HS2ST1: variants seen among roughly 807,000 people sequenced by gnomAD.
HS2ST1 encodes the protein heparan sulfate 2-O-sulfotransferase 1.
HS2ST1 carries 18 observed loss-of-function variants against 42.9 expected under a neutral mutation model. That is an observed-to-expected ratio of 0.42 (90% CI 0.29 to 0.62). The LOEUF (loss-of-function observed/expected upper bound fraction) is 0.62, where lower values mean the gene tolerates loss of function less well. Among genes scored for constraint, HS2ST1 ranks in the 20% least tolerant of loss-of-function variants. The pLI, the probability that HS2ST1 is intolerant of heterozygous loss-of-function variation, is 0.21. For missense variants in HS2ST1, 334 were observed against 433.8 expected, an observed-to-expected ratio of 0.77 and a Z score of 2.04; for synonymous variants, 146 against 152.9, an observed-to-expected ratio of 0.95 and a Z score of 0.33.
chr1:86,990,144 C>G (rs540470710), intron 1 of HS2ST1, among the ~76,000 whole-genome samples: 1 of 152,184 alleles, frequency 6.6e-6, no homozygotes, highest in Non-Finnish European at 1.5e-5. Flanking sequence ...AATTGCCACA[C>G]TGTCTTCCAC....
At chr1:87,018,660 C>T (rs1228711076) in intron 1 of HS2ST1, among the ~76,000 whole-genome samples, 5 of 152,202 alleles carry the variant, frequency 3.3e-5, no homozygotes, top group African/African-American at 1.2e-4. Flanking sequence ...ACAGCATCTT[C>T]TGTGCCATCC....
intron 1 of HS2ST1, among the ~76,000 whole-genome samples, chr1:87,062,828 T>C: frequency 6.6e-6 from 1 of 152,316 alleles, no homozygotes; most frequent in East Asian, 1.9e-4. Context: ...ATTTCAGCAC[T>C]TGAAAAACAT....
chr1:87,087,151 G>A (rs1483133715), intron 3 of HS2ST1, among the ~76,000 whole-genome samples: 9 of 151,740 alleles, frequency 5.9e-5, no homozygotes, highest in Admixed American at 3.9e-4. Context: ...TTTTTTAATA[G>A]CATCTATTAG....
Position 86,943,899 on chromosome 1 carries a change from G to A in HS2ST1, c.124+28739G>A, listed in dbSNP as rs546722229. ...AAATTAGCTGGGCATGGTGGCGGGT[G>A]CCTGTAATCTCAGCTACTTGGGAGG... On this transcript the variant is annotated intron_variant, in intron 1 of 6. Transcript: ENST00000370550. Among the ~76,000 whole-genome samples, 4 of 152,048 alleles carry A rather than the reference G, an allele frequency of 2.6e-5. No homozygotes were observed. The South Asian group carries it at 6.2e-4, about 24-fold the overall frequency.
chr1:87,103,729 C>A, intron 6 of HS2ST1, 140 bp downstream of exon 6: 1 of 661,886 alleles, frequency 1.5e-6, no homozygotes, highest in Non-Finnish European at 2.5e-6. Context: ...TCGGTTTCTG[C>A]TCACTATTTT....
At position 87,071,867 on chromosome 1, in the gene HS2ST1, C is replaced by T. The variant is rs1387328113; in HGVS notation, c.125-1067C>T. Among the ~76,000 whole-genome samples, 7 of 152,042 alleles carry T rather than the reference C, an allele frequency of 4.6e-5. No individual in the cohort carries two copies. In the East Asian group the frequency reaches 1.2e-3, roughly 25 times the overall value. On this transcript the variant is annotated intron_variant, in intron 1 of 6. Coordinates refer to ENST00000370550, the MANE Select transcript of HS2ST1 (RefSeq NM_012262.4). Reference sequence around the variant, plus strand: ...ATAGGTGAGATAGCTTGCACAAAGACTTGGGGGTTAAGAGAGTACGTGCTA... The same window carrying T: ...ATAGGTGAGATAGCTTGCACAAAGATTTGGGGGTTAAGAGAGTACGTGCTA...
intron 1 of HS2ST1, among the ~76,000 whole-genome samples, chr1:87,002,077 T>C (rs1053354060): frequency 8.5e-5 from 13 of 152,052 alleles, no homozygotes; most frequent in Non-Finnish European, 1.9e-4. Flanking sequence ...CAAGCCTGGC[T>C]AATGTTTTGT....
At chr1:87,095,622 A>G (rs1652042415) in intron 4 of HS2ST1, among the ~76,000 whole-genome samples, 2 of 152,176 alleles carry the variant, frequency 1.3e-5, no homozygotes, top group South Asian at 4.1e-4. Context: ...TAATCCAAAG[A>G]TGAGCATTGA....
At chr1:86,995,339 G>A (rs1649068625) in intron 1 of HS2ST1, among the ~76,000 whole-genome samples, 1 of 152,132 alleles carries the variant, frequency 6.6e-6, no homozygotes, top group African/African-American at 2.4e-5. Context: ...GTGTTTAAGA[G>A]CTCTGATGAA....
rs939596965 is a variant in HS2ST1, at chr1:87,108,296, C to T, written c.*3600C>T. 3 of 152,058 alleles carry T rather than the reference C, an allele frequency of 2.0e-5. No individual in the cohort carries two copies. The highest frequency in any genetic ancestry group is 7.2e-5 in the African/African-American group (3 of 41,428). The allele number at this position is 152,058 out of a possible 1,614,324, so 9.4% of individuals were successfully genotyped here. ...GAGAACATCTGTGTAAATCATCTAA[C>T]TGGATTTTTCCATTGGTCATTCCCA... On this transcript the variant is annotated 3_prime_UTR_variant, in exon 7 of 7. Transcript: ENST00000370550.
intron 1 of HS2ST1, among the ~76,000 whole-genome samples, chr1:87,007,404 A>G (rs904135496): frequency 1.2e-4 from 19 of 152,004 alleles, no homozygotes; most frequent in African/African-American, 4.6e-4. Context: ...TCCTGCCACC[A>G]TTTCTACAAT....
chr1:87,092,445 A>G (rs1570542891), intron 3 of HS2ST1, 86 bp from the exon 4 acceptor site: 2 of 792,116 alleles, frequency 2.5e-6, no homozygotes, highest in East Asian at 6.2e-5. Flanking sequence ...TAGGACCAGT[A>G]CTTCAGACTT....
intron 2 of HS2ST1, among the ~76,000 whole-genome samples, chr1:87,080,154 A>G (rs1021518450): frequency 2.6e-5 from 4 of 152,184 alleles, no homozygotes; most frequent in Non-Finnish European, 5.9e-5. Context: ...AAAATCCTAC[A>G]TAGATATTTA....
chr1:86,924,564 G>T (rs1660374277), intron 1 of HS2ST1, among the ~76,000 whole-genome samples: 1 of 152,168 alleles, frequency 6.6e-6, no homozygotes, highest in South Asian at 2.1e-4. Flanking sequence ...CTAGGCTGAG[G>T]TTCTCAAACC....
intron 3 of HS2ST1, among the ~76,000 whole-genome samples, chr1:87,092,249 A>G (rs962382438): frequency 1.3e-5 from 2 of 152,072 alleles, no homozygotes; most frequent in African/African-American, 2.4e-5. Context: ...AATGTTTTAT[A>G]TAATTCTTGC....
intron 1 of HS2ST1, among the ~76,000 whole-genome samples, chr1:87,070,403 C>T (rs1249536328): frequency 2.0e-5 from 3 of 151,992 alleles, no homozygotes; most frequent in Non-Finnish European, 4.4e-5. Flanking sequence ...CCAGCCTGGG[C>T]AACATGGTGA....
chr1:86,992,322 T>C (rs1370490779), intron 1 of HS2ST1, among the ~76,000 whole-genome samples: 5 of 152,154 alleles, frequency 3.3e-5, no homozygotes, highest in African/African-American at 1.2e-4. Flanking sequence ...CGCTGAAAAT[T>C]TGGGTTACTT....
intron 2 of HS2ST1, among the ~76,000 whole-genome samples, chr1:87,077,299 T>A (rs1383275585): frequency 1.3e-5 from 2 of 152,216 alleles, no homozygotes; most frequent in Non-Finnish European, 1.5e-5. Context: ...AGGCCCTTTT[T>A]AATCTAGCCC....
chr1:86,937,639 A>G (rs139271769), intron 1 of HS2ST1, among the ~76,000 whole-genome samples: 14 of 152,154 alleles, frequency 9.2e-5, no homozygotes, highest in South Asian at 2.1e-4. Flanking sequence ...TTGGGAGAAA[A>G]GGTTTAATTT....
Sources: allele counts gnomAD v4.1 joint callset (sites outside exome capture counted in the v4.1 genomes callset), GRCh38; gene constraint gnomAD v4.1.1; transcripts MANE v1.5; gene names NCBI Gene and HGNC (gene_info 2026-07-23, HGNC 2026-07-21).